Variants in MACROD2 observed in about 807,000 individuals in gnomAD.
MACROD2 encodes the protein mono-ADP ribosylhydrolase 2.
In MACROD2, 36 loss-of-function variants were observed where a neutral mutation model predicts 70.4. The ratio of observed to expected loss-of-function variants is 0.51; its 90% confidence interval spans 0.39 to 0.68. The LOEUF (loss-of-function observed/expected upper bound fraction) is 0.68, where lower values mean the gene tolerates loss of function less well. Among genes scored for constraint, MACROD2 ranks in the 30% least tolerant of loss-of-function variants. MACROD2 has a pLI of 0.00. For synonymous variants in MACROD2, 172 were observed against 178.8 expected, an observed-to-expected ratio of 0.96 and a Z score of 0.30; for missense variants, 496 against 538.4, an observed-to-expected ratio of 0.92 and a Z score of 0.78.
intron 5 of MACROD2, among the ~76,000 whole-genome samples, chr20:15,090,674 T>A (rs920087840): frequency 2.6e-5 from 4 of 152,030 alleles, no homozygotes; most frequent in Non-Finnish European, 5.9e-5. Context: ...GAGAGCTGAG[T>A]ACCCTTGGTA....
Position 15,866,534 on chromosome 20 carries a change from G to A in MACROD2, c.727+3708G>A, listed in dbSNP as rs376536119. ...ACCCTATGTTTTAGGCATGAAAAAC[G>A]AGGATTCAGCTAGGAAGCAACAGAG... On this transcript the variant is annotated intron_variant, in intron 9 of 17. Coordinates refer to ENST00000684519, the MANE Select transcript of MACROD2 (RefSeq NM_001351661.2). Among the ~76,000 whole-genome samples, 289 of 152,236 alleles carry A rather than the reference G, an allele frequency of 1.9e-3. 1 individual carries two copies. Among genetic ancestry groups the A allele is most frequent in the Admixed American group, 5.9e-3 (90 of 15,286 alleles).
chr20:14,799,660 T>A (rs1355283642), intron 5 of MACROD2, among the ~76,000 whole-genome samples: 1 of 152,064 alleles, frequency 6.6e-6, no homozygotes, highest in Non-Finnish European at 1.5e-5. Context: ...GAGGAGATAG[T>A]ATGCTCTGCT....
intron 5 of MACROD2, among the ~76,000 whole-genome samples, chr20:14,966,316 C>T (rs1426609458): frequency 6.6e-6 from 1 of 152,116 alleles, no homozygotes; most frequent in Non-Finnish European, 1.5e-5. Context: ...TGGAACATGC[C>T]TATAATCCCA....
chr20:15,312,389 G>C (rs2077762485), intron 6 of MACROD2, among the ~76,000 whole-genome samples: 1 of 152,176 alleles, frequency 6.6e-6, no homozygotes, highest in Non-Finnish European at 1.5e-5. Context: ...CGATGACTGG[G>C]ATTTGCTTCA....
At chr20:16,000,029 A>G (rs2066687672) in intron 15 of MACROD2, among the ~76,000 whole-genome samples, 5 of 152,220 alleles carry the variant, frequency 3.3e-5, no homozygotes, top group Admixed American at 3.3e-4. Flanking sequence ...AGAACCCAAA[A>G]TTATTACAGT....
At chr20:15,537,467 CTTTTTTTTTTTT>C (rs35857138) in intron 8 of MACROD2, among the ~76,000 whole-genome samples, 1 of 89,956 alleles carries the variant, frequency 1.1e-5, no homozygotes. Flanking sequence ...TCCCACTCAT[CTTTTTTTTTTTT>C]TTTTTTTTTT....
In MACROD2 at chr20:15,206,149, A is replaced by G. The variant is rs73258899; in HGVS notation, c.419-23791A>G. 5.5e-4 allele frequency among the ~76,000 whole-genome samples: 83 copies of G among 152,200 alleles called. 1 individual carries two copies. The highest frequency in any genetic ancestry group is 5.3e-3 in the Admixed American group (81 of 15,282). On this transcript the variant is annotated intron_variant, in intron 5 of 17. Coordinates refer to ENST00000684519, the MANE Select transcript of MACROD2 (RefSeq NM_001351661.2). ...AAATGTTTGGTTCTTTTTTAAAAAA[A>G]CTTTCAAACTACGTGGTTTAGGTAT... is the stretch of plus-strand genomic sequence containing the variant.
chr20:15,433,069 C>T (rs779434986), intron 7 of MACROD2, among the ~76,000 whole-genome samples: 4 of 151,904 alleles, frequency 2.6e-5, no homozygotes, highest in African/African-American at 7.3e-5. Flanking sequence ...TAATAAAAGC[C>T]ATATATGACA....
intron 3 of MACROD2, among the ~76,000 whole-genome samples, chr20:14,104,368 G>A (rs919987255): frequency 2.0e-5 from 3 of 152,152 alleles, no homozygotes; most frequent in Non-Finnish European, 2.9e-5. Flanking sequence ...AGCAACACAC[G>A]CTGAATGTTT....
At chr20:14,088,531 C>G (rs945522382) in intron 3 of MACROD2, among the ~76,000 whole-genome samples, 1 of 151,980 alleles carries the variant, frequency 6.6e-6, no homozygotes, top group Admixed American at 6.6e-5. Context: ...CTAGCCATTA[C>G]TCTTAGTTCT....
At chr20:14,748,059 C>A (rs2071822616) in intron 5 of MACROD2, among the ~76,000 whole-genome samples, 1 of 152,008 alleles carries the variant, frequency 6.6e-6, no homozygotes, top group Admixed American at 6.6e-5. Flanking sequence ...GCTTTTGTAC[C>A]AGATGTACCA....
intron 3 of MACROD2, among the ~76,000 whole-genome samples, chr20:14,243,072 C>G (rs1436076877): frequency 6.6e-6 from 1 of 152,128 alleles, no homozygotes; most frequent in East Asian, 1.9e-4. Flanking sequence ...TTTGGCTCAT[C>G]ATGGGCCCTC....
chr20:14,658,866 G>A (rs1417981067), intron 4 of MACROD2, among the ~76,000 whole-genome samples: 8 of 152,270 alleles, frequency 5.3e-5, no homozygotes, highest in African/African-American at 1.7e-4. Flanking sequence ...CACATGCCTC[G>A]GCCTCCCAGA....
intron 6 of MACROD2, among the ~76,000 whole-genome samples, chr20:15,410,870 A>C (rs1214184785): frequency 6.6e-6 from 1 of 152,136 alleles, no homozygotes; most frequent in African/African-American, 2.4e-5. Flanking sequence ...GACCAGACAG[A>C]GCTCTGGACC....
At chr20:15,547,133 T>C (rs2048035830) in intron 8 of MACROD2, among the ~76,000 whole-genome samples, 1 of 152,196 alleles carries the variant, frequency 6.6e-6, no homozygotes, top group African/African-American at 2.4e-5. Flanking sequence ...TTAAAGCCCA[T>C]TAGTGTGGCC....
chr20:14,828,300 C>G (rs1411519081), intron 5 of MACROD2, among the ~76,000 whole-genome samples: 2 of 152,110 alleles, frequency 1.3e-5, no homozygotes, highest in African/African-American at 4.8e-5. Context: ...TTGACCATTC[C>G]TGTATATACA....
intron 5 of MACROD2, among the ~76,000 whole-genome samples, chr20:15,216,237 G>A (rs905812719): frequency 2.0e-5 from 3 of 151,970 alleles, no homozygotes; most frequent in Non-Finnish European, 2.9e-5. Flanking sequence ...ATGCTTGAGG[G>A]GATGGATACC....
At chr20:14,311,355 C>A (rs912274124) in intron 3 of MACROD2, among the ~76,000 whole-genome samples, 4 of 152,150 alleles carry the variant, frequency 2.6e-5, no homozygotes, top group African/African-American at 9.7e-5. Flanking sequence ...TACAGGTTTG[C>A]AGCCTAGGAG....
intron 8 of MACROD2, among the ~76,000 whole-genome samples, chr20:15,601,523 T>A (rs1418815167): frequency 6.6e-6 from 1 of 152,204 alleles, no homozygotes; most frequent in Non-Finnish European, 1.5e-5. Flanking sequence ...TATGATTTAA[T>A]AGATGTTTAT....
Sources: gnomAD v4.1 joint callset for allele counts (sites outside exome capture counted in the v4.1 genomes callset) on GRCh38, gnomAD v4.1.1 for gene constraint, MANE v1.5 for transcripts, NCBI Gene and HGNC (gene_info 2026-07-23, HGNC 2026-07-21) for gene names.